PARM1: variants seen among roughly 807,000 people sequenced by gnomAD.
PARM1 encodes WSC4, cell wall integrity and stress response component 4 homolog.
A neutral mutation model predicts 24.6 loss-of-function variants in PARM1; 14 were observed. The observed-to-expected ratio is 0.57, with a 90% CI of 0.38 to 0.89. The LOEUF is 0.89. Ranked by LOEUF, PARM1 falls within the 40% of genes least tolerant of loss-of-function variation. The pLI is 0.00. For missense variants in PARM1, 362 were observed against 380.4 expected (o/e 0.95, Z 0.40); for synonymous variants, 179 against 156.6 (o/e 1.14, Z -1.07).
intron 1 of PARM1, among the ~76,000 whole-genome samples, chr4:74,979,610 A>T (rs1250636660): frequency 6.6e-6 from 1 of 152,232 alleles, no homozygotes; most frequent in Non-Finnish European, 1.5e-5. Flanking sequence ...AACTCATTTT[A>T]TGAGGCCAGC....
At chr4:74,947,877 GT>G (rs1238938778) in intron 1 of PARM1, among the ~76,000 whole-genome samples, 2 of 152,176 alleles carry the variant, frequency 1.3e-5, no homozygotes, top group Admixed American at 6.5e-5. Context: ...AGTCCGCAGT[GT>G]TTAGCAAGTG....
intron 3 of PARM1, among the ~76,000 whole-genome samples, chr4:75,037,267 C>T (rs886986369): frequency 6.6e-6 from 1 of 152,184 alleles, no homozygotes; most frequent in Non-Finnish European, 1.5e-5. Context: ...GCTGGAGCAG[C>T]GAGTGACTAA....
At chr4:74,950,220 A>G (rs1286292766) in intron 1 of PARM1, among the ~76,000 whole-genome samples, 1 of 152,184 alleles carries the variant, frequency 6.6e-6, no homozygotes, top group Admixed American at 6.5e-5. Context: ...ATAAACTCGG[A>G]AAGCTTAAAA....
intron 1 of PARM1, among the ~76,000 whole-genome samples, chr4:74,944,953 G>GT (rs897696876): frequency 1.7e-4 from 26 of 152,238 alleles, no homozygotes; most frequent in African/African-American, 6.3e-4. Flanking sequence ...CTTAAGGACT[G>GT]TTTTTAATAA....
intron 1 of PARM1, among the ~76,000 whole-genome samples, chr4:74,975,383 G>A (rs947806644): frequency 6.6e-6 from 1 of 152,222 alleles, no homozygotes; most frequent in Admixed American, 6.5e-5. Context: ...GCTCCACCTA[G>A]AAGTAGTTCA....
At chr4:75,024,861 G>A (rs755865300) in intron 2 of PARM1, among the ~76,000 whole-genome samples, 5 of 152,182 alleles carry the variant, frequency 3.3e-5, no homozygotes, top group East Asian at 1.9e-4. Context: ...ACCACGCCCC[G>A]CTAATTATTG....
chr4:75,012,733 T>C lies in PARM1; in HGVS notation c.352T>C (p.Leu118=), dbSNP rs1560791853. 3.7e-6 allele frequency: 6 copies of C among 1,613,822 alleles called. No homozygotes were observed. In the African/African-American group the frequency reaches 4.0e-5, roughly 11 times the overall value. The change falls in exon 2 of 4, where the codon TTA becomes CTA. Residue 118 remains leucine (L), a synonymous_variant. Coordinates refer to ENST00000307428, the MANE Select transcript of PARM1 (RefSeq NM_015393.4). ...GFSSTSGGVH[L]TTTLEEHSSG... The stretch of plus-strand genomic sequence containing the variant: ...CTCGTCAACAAGCGGTGGAGTCCAC[T>C]TAACAACCACGTTGGAGGAACACAG...
intron 2 of PARM1, 72 bp from the exon 3 acceptor site, chr4:75,033,811 T>G: frequency 6.5e-6 from 8 of 1,225,120 alleles, no homozygotes; most frequent in Non-Finnish European, 8.1e-6. Flanking sequence ...AGGTGGATAC[T>G]ACGCACGCCA....
chr4:75,031,754 T>C (rs1723281468), intron 2 of PARM1, among the ~76,000 whole-genome samples: 1 of 152,230 alleles, frequency 6.6e-6, no homozygotes. Context: ...TTCATTCTTT[T>C]CTTCCATTTT....
At chr4:75,004,448 G>A (rs1040469537) in intron 1 of PARM1, among the ~76,000 whole-genome samples, 3 of 152,192 alleles carry the variant, frequency 2.0e-5, no homozygotes, top group Non-Finnish European at 4.4e-5. Flanking sequence ...GAGAAGGTAA[G>A]GCTCTGGATT....
chr4:74,987,598 G>T (rs566704865), intron 1 of PARM1, among the ~76,000 whole-genome samples: 6 of 152,042 alleles, frequency 3.9e-5, no homozygotes, highest in Admixed American at 1.3e-4. Context: ...AATATTCAAG[G>T]TGTTTGTTAA....
chr4:74,983,988 C>T (rs749135732), intron 1 of PARM1, among the ~76,000 whole-genome samples: 1 of 152,120 alleles, frequency 6.6e-6, no homozygotes, highest in African/African-American at 2.4e-5. Flanking sequence ...ATAGCAAGAC[C>T]CCATCTGTAA....
At chr4:74,999,919 A>G (rs1402681586) in intron 1 of PARM1, among the ~76,000 whole-genome samples, 1 of 152,080 alleles carries the variant, frequency 6.6e-6, no homozygotes, top group East Asian at 1.9e-4. Flanking sequence ...CTTTTTTTTA[A>G]TAAGGTGGAA....
At chr4:75,027,006 C>T (rs141580857) in intron 2 of PARM1, among the ~76,000 whole-genome samples, 1,628 of 152,218 alleles carry the variant, frequency 0.011, 10 homozygotes, top group Non-Finnish European at 0.017. Flanking sequence ...GTTCCTGCCT[C>T]GATCCTCCTT....
intron 1 of PARM1, among the ~76,000 whole-genome samples, chr4:74,953,840 G>T (rs41425045): frequency 6.6e-6 from 1 of 152,136 alleles, no homozygotes; most frequent in Non-Finnish European, 1.5e-5. Context: ...AGGGAAGCAG[G>T]TGAGCCAGCT....
chr4:75,046,138 C>G (rs1389120551), intron 3 of PARM1, 25 bp from the exon 4 acceptor site: 1 of 1,547,678 alleles, frequency 6.5e-7, no homozygotes, highest in African/African-American at 1.4e-5. Flanking sequence ...CAAGTAATCA[C>G]AACCCTCTTC....
Position 74,994,216 on chromosome 4 carries a change from C to T in PARM1, c.44-18209C>T, listed in dbSNP as rs991302133. 2.6e-5 allele frequency: 4 copies of T among 152,040 alleles called. No individual in the cohort carries two copies. In the East Asian group the frequency reaches 7.7e-4, roughly 29 times the overall value. 9.4% of individuals were successfully genotyped at this position (152,040 alleles called of 1,614,324 possible). A position where few individuals can be genotyped will look rare whatever the true frequency, so the allele number is the denominator to read the frequency against. On this transcript the variant is annotated intron_variant, in intron 1 of 3. Transcript: ENST00000307428. ...TTTTTTCCTGAAAACTCCCAAGAGA[C>T]AAATTCCTAAAAATCAAAAACATAA...
chr4:75,015,008 T>C (rs28582004), intron 2 of PARM1, among the ~76,000 whole-genome samples: 21,123 of 152,124 alleles, frequency 0.14, 2,475 homozygotes, highest in African/African-American at 0.32. Flanking sequence ...GTGACCACAT[T>C]TTTTTTCTTT....
chr4:74,985,426 G>A (rs1055151235), intron 1 of PARM1, among the ~76,000 whole-genome samples: 1 of 152,166 alleles, frequency 6.6e-6, no homozygotes. Flanking sequence ...ATGGAAGACT[G>A]CCTTTCCCAA....
Sources: gnomAD v4.1 joint callset for allele counts (sites outside exome capture counted in the v4.1 genomes callset) on GRCh38, gnomAD v4.1.1 for gene constraint, MANE v1.5 for transcripts, NCBI Gene and HGNC (gene_info 2026-07-23, HGNC 2026-07-21) for gene names.